Variants in FSIP2 observed in about 807,000 individuals in gnomAD.
FSIP2 encodes the protein fibrous sheath-interacting protein 2.
Under a neutral mutation model 510.5 loss-of-function variants are expected in FSIP2, and 367 were observed. The ratio of observed to expected loss-of-function variants is 0.72; its 90% CI spans 0.66 to 0.78. The LOEUF (loss-of-function observed/expected upper bound fraction) is 0.78. Among genes scored for constraint, FSIP2 ranks in the 30% least tolerant of loss-of-function variants. FSIP2 has a pLI of 0.00. For synonymous variants in FSIP2, 2,601 were observed against 2,732.2 expected, an observed-to-expected ratio of 0.95 and a Z score of 1.50; for missense variants, 7,594 against 7,901.7, an observed-to-expected ratio of 0.96 and a Z score of 1.48.
In FSIP2 at chr2:185,802,787, A is replaced by C; in HGVS notation, c.13481A>C (p.Gln4494Pro). Reference protein sequence around the residue: ...ASSLVLNRDTQKDISRVNFND... With the variant: ...ASSLVLNRDTPKDISRVNFND... ...AGCCTGGTTCTAAACAGAGACACCC[A>C]AAAAGATATATCAAGAGTGAATTTC... The change falls in exon 17 of 23, where the codon CAA (glutamine) becomes CCA (proline). Residue 4494 changes from glutamine (Q) to proline (P), a missense_variant. Coordinates refer to ENST00000424728, the MANE Select transcript of FSIP2 (RefSeq NM_173651.4). 1 of 1,520,656 alleles carries C rather than the reference A, an allele frequency of 6.6e-7. No homozygotes were observed. The highest frequency in any genetic ancestry group is 2.1e-5 in the Admixed American group (1 of 48,464). The allele number at this position is 1,520,656 out of a possible 1,614,324, so 94.2% of individuals were successfully genotyped here. A position where few individuals can be genotyped will look rare whatever the true frequency, so the allele number is the denominator to read the frequency against.
chr2:185,779,300 G>GT (rs139094717), intron 13 of FSIP2, among the ~76,000 whole-genome samples: 80,032 of 148,322 alleles, frequency 0.54, 21,520 homozygotes, highest in South Asian at 0.64. Flanking sequence ...TTTTTATCTA[G>GT]TTTTTTTTTT....
At chr2:185,753,526 A>T (rs2887761) in intron 7 of FSIP2, among the ~76,000 whole-genome samples, 196 bp from the exon 8 acceptor site, 82,304 of 151,120 alleles carry the variant, frequency 0.54, 22,662 homozygotes, top group South Asian at 0.64. Context: ...GGTAAATTGC[A>T]TACATGTTAA....
intron 7 of FSIP2, 42 bp from the exon 8 acceptor site, chr2:185,753,680 G>T: frequency 1.2e-6 from 1 of 826,626 alleles, no homozygotes; most frequent in South Asian, 2.2e-5. Flanking sequence ...ATTTCTAAAT[G>T]GCAAGTTAAT....
intron 13 of FSIP2, chr2:185,765,797 G>C (rs1336118219): frequency 6.6e-5 from 10 of 151,878 alleles, no homozygotes; most frequent in Admixed American, 6.6e-4. Context: ...TCTTCTATTT[G>C]TTTGTATCCT....
chr2:185,828,191 A>T lies in FSIP2; in HGVS notation c.20509A>T (p.Ser6837Cys). The T allele has an allele frequency of 6.3e-7, 1 of 1,576,042 alleles. No homozygotes were observed. Among genetic ancestry groups the T allele is most frequent in the Non-Finnish European group, 8.7e-7 (1 of 1,147,076 alleles). ...SQEQKPEHGN[S>C]VKFITIFERS... ...GGAACAAAAGCCAGAGCATGGAAAC[A>T]GTGTTAAGGTAAGTATTTTTAACTA... is the stretch of plus-strand genomic sequence containing the variant. Residue 6837 changes from serine to cysteine, a missense_variant, in exon 21 of 23, where the codon AGT becomes TGT. Physicochemically the swap from Ser to Cys is moderately radical, Grantham distance 112. Coordinates refer to ENST00000424728, the MANE Select transcript of FSIP2 (RefSeq NM_173651.4).
chr2:185,805,760 G>GT lies in FSIP2; in HGVS notation c.16455dup (p.Asp5486Ter). 1.2e-6 allele frequency: 2 copies of GT among 1,600,502 alleles called. No homozygotes were observed. Among genetic ancestry groups the GT allele is most frequent in the Non-Finnish European group, 1.7e-6 (2 of 1,175,734 alleles). ...ACCAAGGACACATCAGTGAAAAAAG[G>GT]TGACATCCAAAATCCAGTACTTAGC... On this transcript the variant is annotated frameshift_variant, in exon 17 of 23. Transcript: ENST00000424728. LOFTEE classifies it high-confidence loss of function.
chr2:185,786,510 C>T (rs2112034), intron 15 of FSIP2, among the ~76,000 whole-genome samples: 11,972 of 151,862 alleles, frequency 0.079, 878 homozygotes, highest in East Asian at 0.38. Flanking sequence ...CCCTTCAAGA[C>T]GAGGTCTCAT....
chr2:185,807,786 T>G lies in FSIP2; in HGVS notation c.18480T>G (p.Thr6160=). ...VEKILKDVFQ[T]TDVPLPKPSH... is the part of the protein sequence containing the mutation. ...AGATCCTTAAAGATGTTTTCCAAAC[T>G]ACTGATGTGCCCCTACCTAAACCTT... is the stretch of plus-strand genomic sequence containing the variant. Residue 6160 remains threonine (T), a synonymous_variant, in exon 17 of 23, where the codon ACT becomes ACG. Coordinates refer to ENST00000424728, the MANE Select transcript of FSIP2 (RefSeq NM_173651.4). 2 of 1,612,676 alleles carry G rather than the reference T, an allele frequency of 1.2e-6. No individual in the cohort carries two copies. Among genetic ancestry groups the G allele is most frequent in the Non-Finnish European group, 1.7e-6 (2 of 1,179,236 alleles).
rs988344421 is a variant in FSIP2, at chr2:185,762,002, A to C, written c.1225A>C (p.Ile409Leu). ...TGGGATGGTATCTAAAAACTCAAGT[A>C]TTTTCGATGATAGAGGTAAGAAAAT... ...RDGMVSKNSS[I>L]FDDRGGINIS... The change falls in exon 11 of 23, where the codon ATT (isoleucine) becomes CTT (leucine). Residue 409 changes from isoleucine (I) to leucine (L), a missense_variant. By Grantham distance (5) the Ile-to-Leu change is conservative. Coordinates refer to ENST00000424728, the MANE Select transcript of FSIP2 (RefSeq NM_173651.4). The C allele has an allele frequency of 3.5e-5, 52 of 1,476,850 alleles. No homozygotes were observed. The African/African-American group carries it at 5.2e-4, about 15-fold the overall frequency. 91.5% of individuals were successfully genotyped at this position (1,476,850 alleles called of 1,614,324 possible).
At chr2:185,782,898 C>T in intron 14 of FSIP2, 136 bp downstream of exon 14, 1 of 623,356 alleles carries the variant, frequency 1.6e-6, no homozygotes, top group Non-Finnish European at 2.8e-6. Flanking sequence ...TAGTCTTTTG[C>T]AGACTTTCAG....
intron 12 of FSIP2, 84 bp from the exon 13 acceptor site, chr2:185,764,418 A>G: frequency 1.4e-6 from 1 of 710,688 alleles, no homozygotes; most frequent in South Asian, 1.9e-5. Flanking sequence ...TTTCTGTACT[A>G]TAAATATAGA....
chr2:185,768,054 T>G (rs1692530775), intron 13 of FSIP2, among the ~76,000 whole-genome samples: 1 of 152,160 alleles, frequency 6.6e-6, no homozygotes, highest in African/African-American at 2.4e-5. Context: ...TTTTTGATAA[T>G]AGGCATTCTA....
chr2:185,812,566 C>T (rs1490420319), intron 17 of FSIP2, among the ~76,000 whole-genome samples: 1 of 151,988 alleles, frequency 6.6e-6, no homozygotes, highest in Non-Finnish European at 1.5e-5. Flanking sequence ...GTTAGAAACC[C>T]TACACTCTTG....
At chr2:185,831,403 C>T (rs1207634686) in intron 21 of FSIP2, among the ~76,000 whole-genome samples, 1 of 151,920 alleles carries the variant, frequency 6.6e-6, no homozygotes, top group Non-Finnish European at 1.5e-5. Flanking sequence ...GCTAAGATTT[C>T]AATAGAAGAA....
chr2:185,823,174 A>G (rs1250545434), intron 19 of FSIP2, among the ~76,000 whole-genome samples: 1 of 151,916 alleles, frequency 6.6e-6, no homozygotes, highest in African/African-American at 2.4e-5. Flanking sequence ...TGTTGTTATG[A>G]TACCAAAGCA....
Position 185,813,672 on chromosome 2 carries a change from A to G in FSIP2, c.19955A>G (p.Tyr6652Cys). Residue 6652 changes from tyrosine (Y) to cysteine (C), a missense_variant, in exon 18 of 23, where the codon TAT becomes TGT. Transcript: ENST00000424728. ...GTAGCTCATGATATTGATCAAGTGT[A>G]TTTGGAAAATTACATAAAAGAGGAA... ...RLVAHDIDQV[Y>C]LENYIKEERD... The G allele has an allele frequency of 6.2e-7, 1 of 1,609,270 alleles. No individual in the cohort carries two copies. The highest frequency in any genetic ancestry group is 8.5e-7 in the Non-Finnish European group (1 of 1,177,558).
At chr2:185,754,315 T>C (rs1412166034) in intron 8 of FSIP2, among the ~76,000 whole-genome samples, 1 of 151,560 alleles carries the variant, frequency 6.6e-6, no homozygotes, top group Non-Finnish European at 1.5e-5. Context: ...CCTTTATTTA[T>C]AACATTATAA....
upstream of FSIP2, among the ~76,000 whole-genome samples, chr2:185,737,524 G>A (rs1024692129): frequency 1.3e-5 from 2 of 152,202 alleles, no homozygotes; most frequent in South Asian, 2.1e-4. Flanking sequence ...AGATAGAATC[G>A]GGCAAATTAA....
intron 13 of FSIP2, among the ~76,000 whole-genome samples, chr2:185,767,333 A>T (rs1033534301): frequency 2.0e-5 from 3 of 151,880 alleles, no homozygotes; most frequent in African/African-American, 7.3e-5. Flanking sequence ...AATAAAAATA[A>T]AAAAATAAAA....
Sources: allele counts gnomAD v4.1 joint callset (sites outside exome capture counted in the v4.1 genomes callset), GRCh38; gene constraint gnomAD v4.1.1; transcripts MANE v1.5; gene names NCBI Gene and HGNC (gene_info 2026-07-23, HGNC 2026-07-21).